The following GPC5 variants were observed in gnomAD, a reference collection of about 807,000 sequenced individuals.
The protein encoded by GPC5 is glypican-5.
Under a neutral mutation model 53.9 loss-of-function variants are expected in GPC5, and 47 were observed. The observed-to-expected ratio is 0.87, with a 90% CI of 0.69 to 1.11. The LOEUF (loss-of-function observed/expected upper bound fraction) is 1.11. Ranked by LOEUF, GPC5 falls within the 50% of genes most tolerant of loss-of-function variation. The pLI is 0.00. For synonymous variants in GPC5, 286 were observed against 263.3 expected, an observed-to-expected ratio of 1.09 and a Z score of -0.84; for missense variants, 748 against 713.1, an observed-to-expected ratio of 1.05 and a Z score of -0.56.
chr13:92,314,233 C>G (rs2043164035), intron 7 of GPC5, among the ~76,000 whole-genome samples: 1 of 152,140 alleles, frequency 6.6e-6, no homozygotes, highest in Non-Finnish European at 1.5e-5. Flanking sequence ...CTCTCTCTCT[C>G]TTAATCCCTT....
At chr13:91,580,731 A>G (rs1348866341) in intron 2 of GPC5, among the ~76,000 whole-genome samples, 3 of 152,220 alleles carry the variant, frequency 2.0e-5, no homozygotes, top group African/African-American at 2.4e-5. Flanking sequence ...ATTCCTTGCC[A>G]TGCACACAAT....
chr13:92,206,396 A>G (rs572958966), intron 7 of GPC5, among the ~76,000 whole-genome samples: 44 of 150,128 alleles, frequency 2.9e-4, no homozygotes, highest in Non-Finnish European at 5.6e-4. Context: ...CGATCTCCTG[A>G]CCTCGTGATC....
At chr13:92,525,952 A>G (rs9589571) in intron 7 of GPC5, among the ~76,000 whole-genome samples, 11,865 of 152,138 alleles carry the variant, frequency 0.078, 1,399 homozygotes, top group African/African-American at 0.25. Flanking sequence ...TTGATGCTCT[A>G]TCAGATATCA....
chr13:92,304,141 T>C (rs992874836), intron 7 of GPC5, among the ~76,000 whole-genome samples: 1 of 152,118 alleles, frequency 6.6e-6, no homozygotes, highest in Non-Finnish European at 1.5e-5. Flanking sequence ...GTTTTACTCC[T>C]GTTCTCAGGT....
chr13:91,423,891 G>A (rs1366009118), intron 1 of GPC5, among the ~76,000 whole-genome samples: 1 of 152,070 alleles, frequency 6.6e-6, no homozygotes, highest in East Asian at 1.9e-4. Context: ...AATAAAAGAA[G>A]TCTATTATAT....
chr13:92,316,648 T>A (rs2043181332), intron 7 of GPC5, among the ~76,000 whole-genome samples: 1 of 152,124 alleles, frequency 6.6e-6, no homozygotes, highest in African/African-American at 2.4e-5. Context: ...ATCAAATGTG[T>A]AAGGAATTAA....
intron 7 of GPC5, among the ~76,000 whole-genome samples, chr13:92,388,809 G>A (rs1011257405): frequency 6.6e-6 from 1 of 152,104 alleles, no homozygotes. Context: ...AACTGTAATT[G>A]GTAAGGAGAT....
intron 7 of GPC5, among the ~76,000 whole-genome samples, chr13:92,698,436 G>A (rs914635040): frequency 8.6e-5 from 13 of 151,914 alleles, no homozygotes; most frequent in East Asian, 3.9e-4. Context: ...TTGTCCTTGC[G>A]ATAGTTTGCT....
chr13:92,843,039 T>C (rs1281702139), intron 7 of GPC5, among the ~76,000 whole-genome samples: 2 of 152,210 alleles, frequency 1.3e-5, no homozygotes, highest in Non-Finnish European at 2.9e-5. Flanking sequence ...TTTTTCCTGC[T>C]TTGGAATTAT....
At chr13:92,724,226 AGTTAG>A in intron 7 of GPC5, among the ~76,000 whole-genome samples, 1 of 150,634 alleles carries the variant, frequency 6.6e-6, no homozygotes, top group Admixed American at 6.6e-5. Flanking sequence ...CTCAAAAATA[AGTTAG>A]GTTTTTATTT....
chr13:91,549,280 G>A (rs59381471), intron 2 of GPC5, among the ~76,000 whole-genome samples: 2,644 of 137,570 alleles, frequency 0.019, 100 homozygotes, highest in African/African-American at 0.066. Context: ...AAAAAAAAAG[G>A]CAAAAACTAT....
chr13:91,569,048 G>C (rs2031665361), intron 2 of GPC5, among the ~76,000 whole-genome samples: 1 of 152,020 alleles, frequency 6.6e-6, no homozygotes, highest in African/African-American at 2.4e-5. Context: ...ACTGCTCCTG[G>C]CTGTTATCTC....
At chr13:92,616,320 T>A (rs1443518749) in intron 7 of GPC5, among the ~76,000 whole-genome samples, 3 of 152,182 alleles carry the variant, frequency 2.0e-5, no homozygotes, top group African/African-American at 7.2e-5. Context: ...AATATTTTAG[T>A]CTTTTGCCAA....
intron 7 of GPC5, among the ~76,000 whole-genome samples, chr13:92,761,225 CA>C (rs1358037538): frequency 1.3e-5 from 2 of 152,200 alleles, no homozygotes; most frequent in South Asian, 4.1e-4. Flanking sequence ...TGGCTATTTG[CA>C]GGCATAATTA....
intron 6 of GPC5, among the ~76,000 whole-genome samples, chr13:92,035,288 G>A (rs530394907): frequency 1.5e-4 from 23 of 151,862 alleles, no homozygotes; most frequent in South Asian, 8.3e-4. Context: ...GGCACGGGAC[G>A]TTCAGCTCTT....
chr13:92,683,940 AG>A (rs1456759416), intron 7 of GPC5, among the ~76,000 whole-genome samples: 1 of 152,192 alleles, frequency 6.6e-6, no homozygotes, highest in African/African-American at 2.4e-5. Flanking sequence ...TAATTATATT[AG>A]GGTTCACTCT....
chr13:92,162,690 A>C (rs555218813), intron 7 of GPC5, among the ~76,000 whole-genome samples: 2 of 152,366 alleles, frequency 1.3e-5, no homozygotes, highest in South Asian at 4.1e-4. Flanking sequence ...GGGGACTGGC[A>C]TGAGCCAACT....
chr13:92,091,456 CTTAT>C (rs1241432028), intron 6 of GPC5, among the ~76,000 whole-genome samples: 4 of 151,882 alleles, frequency 2.6e-5, no homozygotes, highest in African/African-American at 7.2e-5. Flanking sequence ...TTTATTTTGA[CTTAT>C]TTATTTAAAA....
intron 6 of GPC5, among the ~76,000 whole-genome samples, chr13:91,942,784 A>C (rs1253310219): frequency 6.6e-6 from 1 of 152,062 alleles, no homozygotes; most frequent in Non-Finnish European, 1.5e-5. Flanking sequence ...CCTTTTGTCA[A>C]ATTGTTGCTC....
Sources: allele counts gnomAD v4.1 joint callset (sites outside exome capture counted in the v4.1 genomes callset), GRCh38; gene constraint gnomAD v4.1.1; transcripts MANE v1.5; gene names NCBI Gene and HGNC (gene_info 2026-07-23, HGNC 2026-07-21).